Variants in MAGI2 observed in about 807,000 individuals in gnomAD.
MAGI2 encodes the protein membrane-associated guanylate kinase, WW and PDZ domain-containing protein 2.
A neutral mutation model predicts 133.3 loss-of-function variants in MAGI2; 35 were observed. That is an observed-to-expected ratio of 0.26 (90% CI 0.20 to 0.35). MAGI2 has a LOEUF of 0.35. Ranked by LOEUF, MAGI2 falls within the 10% of genes least tolerant of loss-of-function variation. MAGI2 has a pLI of 1.00. For missense variants in MAGI2, 1,636 were observed against 1,863.4 expected, an observed-to-expected ratio of 0.88 and a Z score of 2.25; for synonymous variants, 729 against 710.6, an observed-to-expected ratio of 1.03 and a Z score of -0.41.
intron 1 of MAGI2, among the ~76,000 whole-genome samples, chr7:79,283,160 A>T (rs1248516509): frequency 1.3e-5 from 2 of 152,070 alleles, no homozygotes; most frequent in African/African-American, 2.4e-5. Context: ...ATGTTCCCTC[A>T]GGGTTCAGAA....
chr7:78,187,294 T>C (rs1031674432), intron 12 of MAGI2, among the ~76,000 whole-genome samples: 12 of 152,140 alleles, frequency 7.9e-5, no homozygotes, highest in Admixed American at 7.9e-4. Flanking sequence ...ATTATTATTT[T>C]GGTCTATAAA....
intron 1 of MAGI2, among the ~76,000 whole-genome samples, chr7:79,312,826 G>C (rs957929568): frequency 1.3e-5 from 2 of 152,168 alleles, no homozygotes; most frequent in Non-Finnish European, 2.9e-5. Context: ...ATTCTTATCA[G>C]AAGGTGAAAT....
At chr7:78,077,723 A>ATT (rs1300577440) in intron 21 of MAGI2, among the ~76,000 whole-genome samples, 4 of 95,978 alleles carry the variant, frequency 4.2e-5, no homozygotes, top group South Asian at 3.5e-4. Context: ...ACTCTTTAGA[A>ATT]TGTTTTTTTT....
At chr7:79,266,341 A>G (rs1433566693) in intron 1 of MAGI2, among the ~76,000 whole-genome samples, 1 of 150,318 alleles carries the variant, frequency 6.7e-6, no homozygotes, top group Non-Finnish European at 1.5e-5. Flanking sequence ...ACACTGTGGG[A>G]GCTAAATTTA....
At chr7:78,747,908 T>C (rs1229058536) in intron 2 of MAGI2, among the ~76,000 whole-genome samples, 1 of 152,192 alleles carries the variant, frequency 6.6e-6, no homozygotes, top group Non-Finnish European at 1.5e-5. Context: ...GGAAACTACA[T>C]TTTATTACAT....
chr7:79,390,072 C>G (rs1223928440), intron 1 of MAGI2, among the ~76,000 whole-genome samples: 1 of 152,094 alleles, frequency 6.6e-6, no homozygotes, highest in East Asian at 1.9e-4. Context: ...TAAGATTACA[C>G]AGTTTAGAAT....
rs145544933 is a variant in MAGI2 at position 78,727,221 on chromosome 7, T to C, written c.419-99982A>G. ...AATAGCAGAGACATTTTAGAGTTTA[T>C]CGATATATAAGTTGACCGATATTTT... On this transcript the variant is annotated intron_variant, in intron 2 of 21. Coordinates refer to ENST00000354212, the MANE Select transcript of MAGI2 (RefSeq NM_012301.4). Among the ~76,000 whole-genome samples, 855 of 152,312 alleles carry C rather than the reference T, an allele frequency of 5.6e-3. 9 individuals are homozygous for C. The highest frequency in any genetic ancestry group is 0.02 in the African/African-American group (826 of 41,558).
At chr7:78,162,688 AC>A (rs1469058220) in intron 15 of MAGI2, among the ~76,000 whole-genome samples, 4 of 152,162 alleles carry the variant, frequency 2.6e-5, no homozygotes, top group Admixed American at 2.6e-4. Context: ...TTAATAGGAT[AC>A]TTTTCTATTG....
At chr7:78,026,647 G>C (rs1417577355) in intron 21 of MAGI2, among the ~76,000 whole-genome samples, 1 of 152,182 alleles carries the variant, frequency 6.6e-6, no homozygotes, top group East Asian at 1.9e-4. Flanking sequence ...CAGAGACTGT[G>C]GGCAATGGTG....
chr7:79,307,213 T>A (rs1226167853), intron 1 of MAGI2, among the ~76,000 whole-genome samples: 1 of 152,170 alleles, frequency 6.6e-6, no homozygotes, highest in Non-Finnish European at 1.5e-5. Flanking sequence ...CCAGGTGATT[T>A]TGAATGAATG....
intron 9 of MAGI2, among the ~76,000 whole-genome samples, chr7:78,312,340 T>C (rs1798779685): frequency 6.6e-6 from 1 of 152,154 alleles, no homozygotes; most frequent in African/African-American, 2.4e-5. Flanking sequence ...CTAAACTTCT[T>C]ATGTAGCAGA....
At chr7:78,500,022 A>ATAAT (rs1794477932) in intron 5 of MAGI2, among the ~76,000 whole-genome samples, 4 of 152,240 alleles carry the variant, frequency 2.6e-5, no homozygotes, top group Admixed American at 2.6e-4. Context: ...AAATAATGTA[A>ATAAT]GAGATTCTTA....
chr7:78,519,971 T>C (rs1052538526), intron 4 of MAGI2, among the ~76,000 whole-genome samples: 22 of 152,188 alleles, frequency 1.4e-4, no homozygotes, highest in Non-Finnish European at 1.3e-4. Flanking sequence ...TGAAATTATA[T>C]AATTAAAAGC....
At chr7:78,563,128 A>G (rs1584647196) in intron 3 of MAGI2, among the ~76,000 whole-genome samples, 1 of 152,122 alleles carries the variant, frequency 6.6e-6, no homozygotes, top group African/African-American at 2.4e-5. Flanking sequence ...TGCAATTATT[A>G]TAAATTGGTA....
intron 1 of MAGI2, among the ~76,000 whole-genome samples, chr7:79,272,039 A>G (rs557421054): frequency 5.9e-5 from 9 of 152,290 alleles, no homozygotes; most frequent in Non-Finnish European, 8.8e-5. Flanking sequence ...GTTTAAAACT[A>G]TATATACAAA....
chr7:79,067,037 G>C (rs963914814), intron 1 of MAGI2, among the ~76,000 whole-genome samples: 3 of 151,854 alleles, frequency 2.0e-5, no homozygotes, highest in African/African-American at 4.8e-5. Flanking sequence ...TGAAACAGGT[G>C]GCATGATGCC....
chr7:79,130,917 ATT>A (rs1820883347), intron 1 of MAGI2, among the ~76,000 whole-genome samples: 3 of 152,044 alleles, frequency 2.0e-5, no homozygotes, highest in Admixed American at 1.3e-4. Flanking sequence ...TCATTCATTC[ATT>A]CATTCATTCA....
At chr7:79,038,447 G>A (rs1811320304) in intron 1 of MAGI2, among the ~76,000 whole-genome samples, 1 of 152,006 alleles carries the variant, frequency 6.6e-6, no homozygotes, top group African/African-American at 2.4e-5. Flanking sequence ...ATGGCCAATA[G>A]AAGCCTCTTT....
At chr7:78,171,242 C>G (rs905604721) in intron 14 of MAGI2, among the ~76,000 whole-genome samples, 2 of 152,214 alleles carry the variant, frequency 1.3e-5, no homozygotes, top group African/African-American at 4.8e-5. Flanking sequence ...ACTGGATAAT[C>G]TATGATTGTA....
Sources: gnomAD v4.1 joint callset for allele counts (sites outside exome capture counted in the v4.1 genomes callset) on GRCh38, gnomAD v4.1.1 for gene constraint, MANE v1.5 for transcripts, NCBI Gene and HGNC (gene_info 2026-07-23, HGNC 2026-07-21) for gene names.